DENND1A: variants seen among roughly 807,000 people sequenced by gnomAD.
DENND1A encodes the protein DENN domain containing 1A.
In DENND1A, 51 loss-of-function variants were observed where a neutral mutation model predicts 113.7. The observed-to-expected ratio is 0.45, with a 90% CI of 0.36 to 0.57. DENND1A has a LOEUF of 0.57. Among genes scored for constraint, DENND1A ranks in the 20% least tolerant of loss-of-function variants. The pLI is 0.00. For missense variants in DENND1A, 1,258 were observed against 1,395.9 expected (o/e 0.90, Z 1.57); for synonymous variants, 565 against 570.8 (o/e 0.99, Z 0.14).
At chr9:123,588,703 T>C (rs934246301) in intron 11 of DENND1A, among the ~76,000 whole-genome samples, 4 of 148,742 alleles carry the variant, frequency 2.7e-5, no homozygotes, top group Admixed American at 1.3e-4. Context: ...TTGGAGACAA[T>C]GTTTTGGTCT....
intron 11 of DENND1A, among the ~76,000 whole-genome samples, chr9:123,601,764 T>C (rs1389015444): frequency 1.3e-5 from 2 of 152,228 alleles, no homozygotes; most frequent in African/African-American, 4.8e-5. Flanking sequence ...CACAAGTCTT[T>C]TATGTGGATA....
At chr9:123,606,132 T>A (rs558859819) in intron 11 of DENND1A, among the ~76,000 whole-genome samples, 1 of 152,264 alleles carries the variant, frequency 6.6e-6, no homozygotes, top group South Asian at 2.1e-4. Flanking sequence ...TCGAACTAGA[T>A]AAGCCCCATC....
chr9:123,757,086 C>T (rs779348945), intron 5 of DENND1A, among the ~76,000 whole-genome samples: 46 of 152,328 alleles, frequency 3.0e-4, no homozygotes, highest in Non-Finnish European at 6.3e-4. Flanking sequence ...TTCCACACAT[C>T]CTCCCACCTC....
chr9:123,673,813 T>G (rs950248426), intron 6 of DENND1A, among the ~76,000 whole-genome samples: 3 of 152,194 alleles, frequency 2.0e-5, no homozygotes, highest in African/African-American at 7.2e-5. Context: ...TATCTGTGAC[T>G]TCATCCTACG....
intron 2 of DENND1A, among the ~76,000 whole-genome samples, chr9:123,823,645 G>C (rs937386060): frequency 6.6e-6 from 1 of 152,198 alleles, no homozygotes; most frequent in African/African-American, 2.4e-5. Context: ...GTTCTGTGGA[G>C]AATGGACTGG....
intron 5 of DENND1A, among the ~76,000 whole-genome samples, chr9:123,719,442 C>T (rs2067191848): frequency 6.6e-6 from 1 of 152,148 alleles, no homozygotes; most frequent in African/African-American, 2.4e-5. Flanking sequence ...TGGGAGTGCT[C>T]TCTAGGTATC....
chr9:123,471,614 G>C (rs1314361322), intron 13 of DENND1A, among the ~76,000 whole-genome samples: 2 of 152,206 alleles, frequency 1.3e-5, no homozygotes, highest in Non-Finnish European at 2.9e-5. Flanking sequence ...CGCAGGACAT[G>C]GCAACTCTCT....
intron 13 of DENND1A, among the ~76,000 whole-genome samples, chr9:123,508,755 TA>T (rs565886962): frequency 9.2e-5 from 14 of 151,934 alleles, no homozygotes; most frequent in African/African-American, 1.9e-4. Context: ...TAATTGTATC[TA>T]AAAAAAAGTA....
At position 123,440,589 on chromosome 9, in the gene DENND1A, G is replaced by A. The variant is rs78138585; in HGVS notation, c.1357-98C>T. ...AGAGGCCTGCCAGGCGACTCTCTCC[G>A]TGACATTCTGAGCCTGACCTCTTGA... On this transcript the variant is annotated intron_variant, in intron 18 of 23. Transcript: ENST00000394215. The A allele has an allele frequency of 1.9e-3, 2,692 of 1,406,134 alleles. 46 individuals are homozygous for A. The African/African-American group carries it at 0.035, about 18-fold the overall frequency. 87.1% of individuals were successfully genotyped at this position (1,406,134 alleles called of 1,614,324 possible).
chr9:123,793,923 G>A (rs1200825973), intron 2 of DENND1A, among the ~76,000 whole-genome samples: 2 of 152,222 alleles, frequency 1.3e-5, no homozygotes, highest in African/African-American at 4.8e-5. Context: ...AACTCTTGAC[G>A]TGTATTTTGC....
At chr9:123,531,208 T>C (rs2055269506) in intron 13 of DENND1A, among the ~76,000 whole-genome samples, 1 of 152,178 alleles carries the variant, frequency 6.6e-6, no homozygotes, top group East Asian at 1.9e-4. Flanking sequence ...TCCTATGATA[T>C]TTTACAAACA....
chr9:123,435,524 G>T (rs1219250736), intron 19 of DENND1A, among the ~76,000 whole-genome samples: 1 of 152,226 alleles, frequency 6.6e-6, no homozygotes. Flanking sequence ...GTTCAGATGG[G>T]AGAAGAACAG....
At chr9:123,470,284 C>T (rs1206801595) in intron 13 of DENND1A, among the ~76,000 whole-genome samples, 1 of 152,168 alleles carries the variant, frequency 6.6e-6, no homozygotes, top group Non-Finnish European at 1.5e-5. Context: ...AGAGCTACAG[C>T]TCTCTCCCTA....
Position 123,671,310 on chromosome 9 carries a change from A to G in DENND1A, c.434T>C (p.Val145Ala). 2 of 1,613,882 alleles carry G rather than the reference A, an allele frequency of 1.2e-6. No homozygotes were observed. Among genetic ancestry groups the G allele is most frequent in the South Asian group, 1.1e-5 (1 of 91,030 alleles). Residue 145 changes from valine (V) to alanine (A), a missense_variant, in exon 7 of 24, where the codon GTG becomes GCG. Around this residue, in one of 2 missense-constraint regions of DENND1A, gnomAD observed 1,159 missense variants for 1,231.7 expected, o/e 0.94. Coordinates refer to ENST00000394215, the MANE Select transcript of DENND1A (RefSeq NM_001352964.2). ...ACTTACCACGCTGAGATGGACAGAC[A>G]CTCCTGGGTCAGGGATGGGAAGTTT... The part of the protein sequence containing the change: ...LHKLPIPDPG[V>A]SVHLSVHSYF...
At chr9:123,480,782 T>C (rs996508001) in intron 13 of DENND1A, among the ~76,000 whole-genome samples, 16 of 152,146 alleles carry the variant, frequency 1.1e-4, no homozygotes, top group African/African-American at 3.9e-4. Context: ...TGGCACACAA[T>C]GGCACACTGA....
intron 13 of DENND1A, among the ~76,000 whole-genome samples, chr9:123,510,539 C>G (rs1019641785): frequency 6.6e-6 from 1 of 152,198 alleles, no homozygotes; most frequent in Non-Finnish European, 1.5e-5. Context: ...TCCCATTCTA[C>G]AGGTGAGGAA....
chr9:123,747,801 T>G (rs552287944), intron 5 of DENND1A, among the ~76,000 whole-genome samples: 1 of 152,334 alleles, frequency 6.6e-6, no homozygotes, highest in South Asian at 2.1e-4. Context: ...ACTCTGAAGA[T>G]GTAAATATAC....
chr9:123,820,706 T>C (rs1481714371), intron 2 of DENND1A, among the ~76,000 whole-genome samples: 1 of 152,256 alleles, frequency 6.6e-6, no homozygotes, highest in East Asian at 1.9e-4. Context: ...TTTATTGTTA[T>C]TTCCCATATC....
rs986326318 is a variant in DENND1A, at chr9:123,644,390, A to AC, written c.618+7622_618+7623insG. ...GCTTTACAAGCTACAAAAAAAAAAA[A>AC]AAAAAAAAAAAACCTCTAAGTACTA... is the stretch of plus-strand genomic sequence containing the variant. On this transcript the variant is annotated intron_variant, in intron 9 of 23. Transcript: ENST00000394215. 5.0e-4 allele frequency among the ~76,000 whole-genome samples: 74 copies of AC among 148,404 alleles called. No homozygotes were observed. In the East Asian group the frequency reaches 0.011, roughly 21 times the overall value.
Sources: allele counts gnomAD v4.1 joint callset (sites outside exome capture counted in the v4.1 genomes callset), GRCh38; gene constraint gnomAD v4.1.1; regional missense constraint gnomAD v4.1.1; transcripts MANE v1.5; gene names NCBI Gene and HGNC (gene_info 2026-07-23, HGNC 2026-07-21).